Variants in SLC6A17 observed in about 807,000 individuals in gnomAD.
The protein encoded by SLC6A17 is solute carrier family 6 member 17.
In SLC6A17, 21 loss-of-function variants were observed where a neutral mutation model predicts 64.5. The observed-to-expected ratio is 0.33, with a 90% CI of 0.23 to 0.47. The LOEUF (loss-of-function observed/expected upper bound fraction) is 0.47. Ranked by LOEUF, SLC6A17 falls within the 20% of genes least tolerant of loss-of-function variation. The pLI is 1.00. For missense variants in SLC6A17, 682 were observed against 963.2 expected (o/e 0.71, Z 3.86); for synonymous variants, 372 against 399.5 (o/e 0.93, Z 0.82).
At chr1:110,173,043 G>A (rs775763355) in intron 3 of SLC6A17, among the ~76,000 whole-genome samples, 19 of 152,250 alleles carry the variant, frequency 1.2e-4, no homozygotes, top group South Asian at 1.0e-3. Context: ...CTGCTCTCAC[G>A]TCAGCCATCA....
intron 5 of SLC6A17, among the ~76,000 whole-genome samples, chr1:110,176,158 C>T (rs778636489): frequency 6.6e-6 from 1 of 152,116 alleles, no homozygotes; most frequent in African/African-American, 2.4e-5. Context: ...GAAGAGCACA[C>T]GATTCATCCT....
intron 6 of SLC6A17, among the ~76,000 whole-genome samples, chr1:110,181,703 C>T (rs1013977546): frequency 2.6e-5 from 4 of 152,198 alleles, no homozygotes; most frequent in African/African-American, 7.2e-5. Flanking sequence ...TGAGAAGTGA[C>T]GTATGAATGA....
Position 110,174,053 on chromosome 1 carries a change from G to T in SLC6A17, c.525G>T (p.Pro175=). ...IFYFFKSFQY[P]LPWSECPVVR... ...ATTTCTTCAAGTCCTTCCAGTACCC[G>T]CTGCCCTGGAGTGAATGTCCTGTCG... The change falls in exon 4 of 12, where the codon CCG becomes CCT. Residue 175 remains proline, a synonymous_variant. Transcript: ENST00000331565. 6.8e-6 allele frequency: 11 copies of T among 1,614,134 alleles called. No homozygotes were observed. Among genetic ancestry groups the T allele is most frequent in the Non-Finnish European group, 9.3e-6 (11 of 1,180,028 alleles).
At chr1:110,196,706 T>C (rs1656979556) in intron 10 of SLC6A17, among the ~76,000 whole-genome samples, 1 of 152,234 alleles carries the variant, frequency 6.6e-6, no homozygotes, top group South Asian at 2.1e-4. Context: ...TATAGTAATG[T>C]ATGAGCACTT....
chr1:110,178,695 C>A, intron 6 of SLC6A17: 1 of 153,094 alleles, frequency 6.5e-6, no homozygotes, highest in South Asian at 1.8e-4. Context: ...CTCTCTGCTT[C>A]AAAGATGGTG....
At chr1:110,185,022 G>A (rs2100940358) in intron 6 of SLC6A17, among the ~76,000 whole-genome samples, 1 of 152,290 alleles carries the variant, frequency 6.6e-6, no homozygotes, top group East Asian at 1.9e-4. Context: ...TAGGGGTGGA[G>A]CTTCTTGACT....
chr1:110,191,935 T>G, intron 6 of SLC6A17, 37 bp from the exon 7 acceptor site: 1 of 1,599,860 alleles, frequency 6.3e-7, no homozygotes, highest in Non-Finnish European at 8.5e-7. Context: ...CCCCTCTGTG[T>G]CTCTTTTCTT....
intron 3 of SLC6A17, among the ~76,000 whole-genome samples, chr1:110,173,483 T>C (rs977520303): frequency 2.6e-5 from 4 of 152,240 alleles, no homozygotes; most frequent in Non-Finnish European, 4.4e-5. Flanking sequence ...AGTGCCATCT[T>C]TCTAGAGGCA....
At chr1:110,162,225 TGTC>T in intron 1 of SLC6A17, among the ~76,000 whole-genome samples, 2 of 152,376 alleles carry the variant, frequency 1.3e-5, no homozygotes, top group East Asian at 3.9e-4. Context: ...CTGGGCTGGC[TGTC>T]ACCACATCTC....
intron 5 of SLC6A17, 64 bp from the exon 6 acceptor site, chr1:110,176,564 AG>A: frequency 6.8e-7 from 1 of 1,465,924 alleles, no homozygotes; most frequent in Non-Finnish European, 9.6e-7. Context: ...AGATGTGAGC[AG>A]GGATGGGGGG....
intron 9 of SLC6A17, chr1:110,195,104 GC>G (rs1656926104): frequency 2.3e-6 from 1 of 436,388 alleles, no homozygotes; most frequent in African/African-American, 2.0e-5. Flanking sequence ...CTGGCCTTGC[GC>G]CCTGTTCCAT....
intron 6 of SLC6A17, among the ~76,000 whole-genome samples, chr1:110,190,208 T>A (rs1656789309): frequency 6.6e-6 from 1 of 152,006 alleles, no homozygotes; most frequent in Non-Finnish European, 1.5e-5. Flanking sequence ...AAGGGGCCCT[T>A]AGATCCTTAA....
intron 1 of SLC6A17, among the ~76,000 whole-genome samples, chr1:110,152,734 C>T (rs979663526): frequency 2.0e-5 from 3 of 152,188 alleles, no homozygotes; most frequent in African/African-American, 7.2e-5. Flanking sequence ...TCGGGAGTCT[C>T]AGAGTTTCCT....
chr1:110,191,706 A>C (rs1308124068), intron 6 of SLC6A17, among the ~76,000 whole-genome samples: 1 of 152,236 alleles, frequency 6.6e-6, no homozygotes, highest in Non-Finnish European at 1.5e-5. Context: ...CCATGGTAGC[A>C]GTTAAATTAC....
At chr1:110,175,495 C>T (rs552574458) in intron 5 of SLC6A17, among the ~76,000 whole-genome samples, 349 of 152,316 alleles carry the variant, frequency 2.3e-3, no homozygotes, top group Non-Finnish European at 4.1e-3. Flanking sequence ...TTCAGATCCC[C>T]TTTAAATAAG....
In SLC6A17 at chr1:110,199,898, G is replaced by A. The variant is rs1657076421; in HGVS notation, c.*1454G>A. ...GTTGGGGAGTGGGGGTGGATGGATG[G>A]ATAGATGGATGGATGGATGGATGGA... On this transcript the variant is annotated 3_prime_UTR_variant, in exon 12 of 12. Coordinates refer to ENST00000331565, the MANE Select transcript of SLC6A17 (RefSeq NM_001010898.4). The A allele has an allele frequency of 2.7e-6, 1 of 372,316 alleles. No individual in the cohort carries two copies. Among genetic ancestry groups the A allele is most frequent in the East Asian group, 3.9e-5 (1 of 25,942 alleles). The allele number at this position is 372,316 out of a possible 1,614,324, so 23.1% of individuals were successfully genotyped here. A position where few individuals can be genotyped will look rare whatever the true frequency, so the allele number is the denominator to read the frequency against.
At chr1:110,157,937 G>A (rs141344513) in intron 1 of SLC6A17, among the ~76,000 whole-genome samples, 95 of 152,230 alleles carry the variant, frequency 6.2e-4, no homozygotes, top group Admixed American at 4.9e-3. Flanking sequence ...TCACCTTATC[G>A]GAGCATACGT....
chr1:110,161,587 C>T (rs1655910805), intron 1 of SLC6A17, among the ~76,000 whole-genome samples: 1 of 152,130 alleles, frequency 6.6e-6, no homozygotes, highest in Non-Finnish European at 1.5e-5. Context: ...TGACTGCCTG[C>T]TTCCCCAAAG....
intron 6 of SLC6A17, 75 bp downstream of exon 6, chr1:110,176,814 A>C: frequency 6.4e-6 from 8 of 1,241,434 alleles, no homozygotes; most frequent in Non-Finnish European, 9.3e-6. Context: ...CTGCAATTTC[A>C]TGGAATTTAA....
Sources: allele counts gnomAD v4.1 joint callset (sites outside exome capture counted in the v4.1 genomes callset), GRCh38; gene constraint gnomAD v4.1.1; transcripts MANE v1.5; gene names NCBI Gene and HGNC (gene_info 2026-07-23, HGNC 2026-07-21).